Variants in BRIP1 observed in about 807,000 individuals in gnomAD.
BRIP1 encodes the protein Fanconi anemia group J protein.
A neutral mutation model predicts 119.7 loss-of-function variants in BRIP1; 88 were observed. That is an observed-to-expected ratio of 0.74 (90% CI 0.62 to 0.88). The LOEUF is 0.88. Ranked by LOEUF, BRIP1 falls within the 40% of genes least tolerant of loss-of-function variation. The pLI, the probability that BRIP1 is intolerant of heterozygous loss-of-function variation, is 0.00. For missense variants in BRIP1, 1,259 were observed against 1,455.4 expected (o/e 0.87, Z 2.20); for synonymous variants, 443 against 496.5 (o/e 0.89, Z 1.43).
At chr17:61,819,696 G>A (rs569853771) in intron 6 of BRIP1, among the ~76,000 whole-genome samples, 1 of 152,240 alleles carries the variant, frequency 6.6e-6, no homozygotes, top group East Asian at 1.9e-4. Context: ...AACTCATGGA[G>A]AGAGAGAGTA....
rs1567831856 is a variant in BRIP1 at position 61,801,355 on chromosome 17, T to C, written c.1038A>G (p.Lys346=). 2 of 1,614,068 alleles carry C rather than the reference T, an allele frequency of 1.2e-6. No individual in the cohort carries two copies. Among genetic ancestry groups the C allele is most frequent in the Non-Finnish European group, 1.7e-6 (2 of 1,179,958 alleles). Residue 346 remains lysine (K), a synonymous_variant, in exon 8 of 20, where the codon AAA becomes AAG. Transcript: ENST00000259008. The part of the protein sequence containing the change: ...DIEELVSLGK[K]LKACPYYTAR... Reference sequence around the variant, plus strand: ...CTGTGTAATATGGACAGGCCTTTAGTTTCTTCCCCAGGCTGACAAGTTCTT... The same window carrying C: ...CTGTGTAATATGGACAGGCCTTTAGCTTCTTCCCCAGGCTGACAAGTTCTT...
intron 17 of BRIP1, among the ~76,000 whole-genome samples, chr17:61,711,873 A>AAAT (rs1555579458): frequency 7.3e-5 from 11 of 150,850 alleles, no homozygotes; most frequent in African/African-American, 1.2e-4. Context: ...CTCAAAAAAA[A>AAAT]AATAATAATA....
At chr17:61,723,914 A>G (rs2062023393) in intron 16 of BRIP1, among the ~76,000 whole-genome samples, 1 of 152,076 alleles carries the variant, frequency 6.6e-6, no homozygotes. Flanking sequence ...CTACCATCTA[A>G]AACTTTGGCT....
At chr17:61,698,708 T>A (rs552300008) in intron 17 of BRIP1, among the ~76,000 whole-genome samples, 5 of 151,992 alleles carry the variant, frequency 3.3e-5, no homozygotes, top group Non-Finnish European at 7.4e-5. Flanking sequence ...TATTTTTTTT[T>A]ATTTTTTATT....
intron 17 of BRIP1, among the ~76,000 whole-genome samples, chr17:61,714,079 G>A (rs1396297174): frequency 6.6e-6 from 1 of 152,156 alleles, no homozygotes; most frequent in Non-Finnish European, 1.5e-5. Context: ...GGGAGGCTAA[G>A]GTGAGAGGAC....
rs2077882632 is a variant in BRIP1 at position 61,795,285 on chromosome 17, T to C, written c.1341-1556A>G. On this transcript the variant is annotated intron_variant, in intron 9 of 19. Transcript: ENST00000259008. This position sits in a 1 kb window ranked among gnomAD's most constrained non-coding sequence, Gnocchi z 5.6. ...AGTTATTTTTAAATGTACAGTTAAA[T>C]CATTATTGACTATAGTCACACTGTT... Among the ~76,000 whole-genome samples the C allele has an allele frequency of 6.6e-6, 1 of 152,110 alleles. No individual in the cohort carries two copies. Among genetic ancestry groups the C allele is most frequent in the African/African-American group, 2.4e-5 (1 of 41,428 alleles).
At position 61,720,045 on chromosome 17, in the gene BRIP1, A is replaced by G. The variant is rs564332573; in HGVS notation, c.2380-3982T>C. ...GAGATGGATTCTTGCTATGTTGCCTATGATGGTCTCCAACTCATAAGCTCA... is the reference window on the plus strand; with the variant it reads ...GAGATGGATTCTTGCTATGTTGCCTGTGATGGTCTCCAACTCATAAGCTCA... On this transcript the variant is annotated intron_variant, in intron 16 of 19. Coordinates refer to ENST00000259008, the MANE Select transcript of BRIP1 (RefSeq NM_032043.3). The surrounding 1 kb of genome is among the most constrained non-coding windows in gnomAD (Gnocchi z 4.3). Among the ~76,000 whole-genome samples, 1 of 152,210 alleles carries G rather than the reference A, an allele frequency of 6.6e-6. No homozygotes were observed. The highest frequency in any genetic ancestry group is 2.1e-4 in the South Asian group (1 of 4,816).
rs1263000265 is a variant in BRIP1, at chr17:61,756,179, C to G, written c.2098-11588G>C. Reference sequence around the variant, plus strand: ...TTTAGGTCTACAGCTTTTATATTCTCATTGCAGGTGACACTTGAATTACAC... The same window carrying G: ...TTTAGGTCTACAGCTTTTATATTCTGATTGCAGGTGACACTTGAATTACAC... On this transcript the variant is annotated intron_variant, in intron 14 of 19. Transcript: ENST00000259008. This position sits in a 1 kb window ranked among gnomAD's most constrained non-coding sequence, Gnocchi z 4.3. 6.6e-6 allele frequency among the ~76,000 whole-genome samples: 1 copy of G among 152,178 alleles called. No individual in the cohort carries two copies. The highest frequency in any genetic ancestry group is 1.5e-5 in the Non-Finnish European group (1 of 68,028).
Position 61,775,270 on chromosome 17 carries a change from T to C in BRIP1, c.2097+1131A>G, listed in dbSNP as rs200692145. 2.0e-5 allele frequency among the ~76,000 whole-genome samples: 3 copies of C among 152,220 alleles called. No individual in the cohort carries two copies. In the East Asian group the frequency reaches 5.8e-4, roughly 29 times the overall value. ...TGTTTATGTCCGTTTTATTTTTAGA[T>C]ATTCTTGTAAAAAATTATCTGATTA... is the stretch of plus-strand genomic sequence containing the variant. On this transcript the variant is annotated intron_variant, in intron 14 of 19. Coordinates refer to ENST00000259008, the MANE Select transcript of BRIP1 (RefSeq NM_032043.3). This position sits in a 1 kb window ranked among gnomAD's most constrained non-coding sequence, Gnocchi z 4.4.
chr17:61,784,334 A>T lies in BRIP1; in HGVS notation c.1564T>A (p.Ser522Thr), dbSNP rs2077669404. The change falls in exon 11 of 20, where the codon TCA becomes ACA. Residue 522 changes from serine (S) to threonine (T), a missense_variant. Transcript: ENST00000259008. ...AGTCCTTTAAGCATTATTTGAGTTG[A>T]TGCACTAATAACAGGTACTTCTCTT... ...EAREVPVISA[S>T]TQIMLKGLFM... The T allele has an allele frequency of 6.2e-7, 1 of 1,613,076 alleles. No individual in the cohort carries two copies. Among genetic ancestry groups the T allele is most frequent in the Non-Finnish European group, 8.5e-7 (1 of 1,179,170 alleles).
rs2145258168 is a variant in BRIP1 at position 61,794,967 on chromosome 17, A to G, written c.1341-1238T>C. On this transcript the variant is annotated intron_variant, in intron 9 of 19. Transcript: ENST00000259008. This position sits in a 1 kb window ranked among gnomAD's most constrained non-coding sequence, Gnocchi z 4.3. Reference sequence around the variant, plus strand: ...TTTGAGGATCTGAAAGAAAGCCAATATGATTTGCAGCACAATGGGCAAAAA... The same window carrying G: ...TTTGAGGATCTGAAAGAAAGCCAATGTGATTTGCAGCACAATGGGCAAAAA... Among the ~76,000 whole-genome samples, 1 of 152,146 alleles carries G rather than the reference A, an allele frequency of 6.6e-6. No individual in the cohort carries two copies. Among genetic ancestry groups the G allele is most frequent in the East Asian group, 1.9e-4 (1 of 5,156 alleles).
rs878855154 is a variant in BRIP1, at chr17:61,683,784, G to A, written c.3262C>T (p.His1088Tyr). The change falls in exon 20 of 20, where the codon CAT (histidine) becomes TAT (tyrosine). Residue 1088 changes from histidine to tyrosine, a missense_variant. His to Tyr is a moderately conservative substitution (Grantham distance 83). Around this residue, in one of 3 missense-constraint regions of BRIP1, gnomAD observed 753 missense variants for 891.8 expected, o/e 0.84. Coordinates refer to ENST00000259008, the MANE Select transcript of BRIP1 (RefSeq NM_032043.3). The surrounding 1 kb of genome is among the most constrained non-coding windows in gnomAD (Gnocchi z 4.7). ...KIDATLTRKN[H>Y]SEHPLCSEEA... ...TCAGAACAGAGCGGATGTTCAGAAT[G>A]ATTTTTTCTAGTAAGGGTGGCATCA... is the stretch of plus-strand genomic sequence containing the variant. 11 of 1,614,042 alleles carry A rather than the reference G, an allele frequency of 6.8e-6. No homozygotes were observed. Among genetic ancestry groups the A allele is most frequent in the African/African-American group, 1.3e-5 (1 of 74,914 alleles).
chr17:61,826,682 C>T (rs1307505293), intron 6 of BRIP1, among the ~76,000 whole-genome samples: 1 of 143,196 alleles, frequency 7.0e-6, no homozygotes, highest in Non-Finnish European at 1.5e-5. Flanking sequence ...TCAAAACCAC[C>T]ACAATGAGAT....
chr17:61,782,786 T>C (rs758701041), intron 11 of BRIP1, among the ~76,000 whole-genome samples: 4 of 152,108 alleles, frequency 2.6e-5, no homozygotes, highest in Non-Finnish European at 4.4e-5. Context: ...CATTAGGAAA[T>C]ACAAATAAAA....
rs2077054333 is a variant in BRIP1, at chr17:61,746,093, T to G, written c.2098-1502A>C. 6.6e-6 allele frequency among the ~76,000 whole-genome samples: 1 copy of G among 152,174 alleles called. No homozygotes were observed. Among genetic ancestry groups the G allele is most frequent in the South Asian group, 2.1e-4 (1 of 4,830 alleles). Reference sequence around the variant, plus strand: ...AACTGATCAATTTTTATAAGATAGTTTATTTCCTCAATTTTACCTTTAACT... The same window carrying G: ...AACTGATCAATTTTTATAAGATAGTGTATTTCCTCAATTTTACCTTTAACT... On this transcript the variant is annotated intron_variant, in intron 14 of 19. Coordinates refer to ENST00000259008, the MANE Select transcript of BRIP1 (RefSeq NM_032043.3). This position sits in a 1 kb window ranked among gnomAD's most constrained non-coding sequence, Gnocchi z 4.9.
intron 6 of BRIP1, among the ~76,000 whole-genome samples, chr17:61,812,211 G>A (rs1472976846): frequency 6.6e-6 from 1 of 152,010 alleles, no homozygotes; most frequent in Non-Finnish European, 1.5e-5. Flanking sequence ...TGACCCAGGG[G>A]TCTTAAAACA....
intron 6 of BRIP1, among the ~76,000 whole-genome samples, chr17:61,817,591 A>G (rs987800630): frequency 1.3e-5 from 2 of 152,236 alleles, no homozygotes; most frequent in African/African-American, 2.4e-5. Context: ...CTGTGATGAC[A>G]GCGTATTTGA....
At chr17:61,716,217 GTTT>G (rs939191710) in intron 16 of BRIP1, among the ~76,000 whole-genome samples, 154 bp from the exon 17 acceptor site, 6 of 151,740 alleles carry the variant, frequency 4.0e-5, no homozygotes, top group Non-Finnish European at 8.8e-5. Context: ...ATTTAAAATA[GTTT>G]TATTTAGCTT....
chr17:61,723,233 C>T (rs920043902), intron 16 of BRIP1, among the ~76,000 whole-genome samples: 1 of 152,200 alleles, frequency 6.6e-6, no homozygotes, highest in African/African-American at 2.4e-5. Flanking sequence ...AAGCCAGTTT[C>T]TCCTGCCAGC....
Sources: gnomAD v4.1 joint callset for allele counts (sites outside exome capture counted in the v4.1 genomes callset) on GRCh38, gnomAD v4.1.1 for gene constraint, gnomAD v4.1.1 regional missense constraint, Gnocchi (gnomAD v3.1) non-coding constraint, MANE v1.5 for transcripts, NCBI Gene and HGNC (gene_info 2026-07-23, HGNC 2026-07-21) for gene names.